RB1: variants seen among roughly 807,000 people sequenced by gnomAD.
RB1 encodes the protein RB transcriptional corepressor 1, also known as retinoblastoma-associated protein.
In RB1, 18 loss-of-function variants were observed where a neutral mutation model predicts 135.4. That is an observed-to-expected ratio of 0.13 (90% CI 0.09 to 0.20). The LOEUF (loss-of-function observed/expected upper bound fraction) is 0.20. Ranked by LOEUF, RB1 falls within the 10% of genes least tolerant of loss-of-function variation. RB1 has a pLI of 1.00. For synonymous variants in RB1, 365 were observed against 373.2 expected, an observed-to-expected ratio of 0.98 and a Z score of 0.25; for missense variants, 868 against 1,110.0, an observed-to-expected ratio of 0.78 and a Z score of 3.10.
rs553814405 is a variant in RB1, at chr13:48,357,500, G to T, written c.608-2517G>T. On this transcript the variant is annotated intron_variant, in intron 6 of 26. Transcript: ENST00000267163. ...ACGAATTATTCAATAATATGTATTT[G>T]GATCACTAAACAAATATATTGAGAA... Among the ~76,000 whole-genome samples, 52 of 151,872 alleles carry T rather than the reference G, an allele frequency of 3.4e-4. 1 individual carries two copies. The highest frequency in any genetic ancestry group is 1.2e-3 in the African/African-American group (48 of 41,426).
intron 2 of RB1, among the ~76,000 whole-genome samples, chr13:48,336,599 G>A (rs1952387629): frequency 6.6e-6 from 1 of 151,882 alleles, no homozygotes; most frequent in Admixed American, 6.6e-5. Context: ...AGTCTTGCTA[G>A]TGGTCTATCA....
Position 48,359,911 on chromosome 13 carries a change from T to C in RB1, c.608-106T>C. 2.1e-5 allele frequency: 31 copies of C among 1,484,548 alleles called. No individual in the cohort carries two copies. In the South Asian group the frequency reaches 3.8e-4, roughly 18 times the overall value. The allele number at this position is 1,484,548 out of a possible 1,614,324, so 92.0% of individuals were successfully genotyped here. A position where few individuals can be genotyped will look rare whatever the true frequency, so the allele number is the denominator to read the frequency against. On this transcript the variant is annotated intron_variant, in intron 6 of 26. Transcript: ENST00000267163. Reference sequence around the variant, plus strand: ...AAGAAAATCTTTACCATGCTGATAGTGATTGTTGAATGAATAAATTTATGG... The same window carrying C: ...AAGAAAATCTTTACCATGCTGATAGCGATTGTTGAATGAATAAATTTATGG...
chr13:48,422,802 A>T (rs200792502), intron 17 of RB1: 1 of 145,784 alleles, frequency 6.9e-6, no homozygotes, highest in South Asian at 2.2e-4. Context: ...TAAAAAAAAA[A>T]CAAAAAGGAA....
chr13:48,428,755 A>C (rs1003750656), intron 17 of RB1, among the ~76,000 whole-genome samples: 2 of 152,216 alleles, frequency 1.3e-5, no homozygotes, highest in Non-Finnish European at 2.9e-5. Flanking sequence ...GCATTTGTAC[A>C]TAGTAATGTG....
chr13:48,440,048 G>A (rs186658960), intron 17 of RB1, among the ~76,000 whole-genome samples: 1 of 152,224 alleles, frequency 6.6e-6, no homozygotes, highest in East Asian at 1.9e-4. Context: ...AGATAGAATA[G>A]TAGGATTACA....
chr13:48,472,715 A>C (rs1420464607), intron 23 of RB1, among the ~76,000 whole-genome samples: 1 of 152,138 alleles, frequency 6.6e-6, no homozygotes, highest in African/African-American at 2.4e-5. Context: ...TGGTTAATCA[A>C]ATATTATATG....
intron 17 of RB1, among the ~76,000 whole-genome samples, chr13:48,391,768 G>A (rs1052138491): frequency 1.1e-4 from 16 of 151,876 alleles, no homozygotes; most frequent in African/African-American, 3.1e-4. Context: ...ACAGGCACAC[G>A]CCACCATGCC....
At chr13:48,363,474 T>C (rs1952662609) in intron 8 of RB1, among the ~76,000 whole-genome samples, 1 of 152,186 alleles carries the variant, frequency 6.6e-6, no homozygotes, top group Admixed American at 6.5e-5. Context: ...AAAGGATTGC[T>C]TGAGCCCAGA....
chr13:48,332,611 C>T (rs2138070375), intron 2 of RB1, among the ~76,000 whole-genome samples: 1 of 152,234 alleles, frequency 6.6e-6, no homozygotes, highest in Middle Eastern at 3.4e-3. Context: ...AGTAGTAGTT[C>T]TGGACACTTA....
At chr13:48,306,944 TTTG>T (rs1297218237) in intron 1 of RB1, among the ~76,000 whole-genome samples, 1 of 152,204 alleles carries the variant, frequency 6.6e-6, no homozygotes, top group African/African-American at 2.4e-5. Context: ...TTTTTATCTT[TTTG>T]TTGTTATCTT....
chr13:48,304,317 C>T (rs1378731099), intron 1 of RB1, among the ~76,000 whole-genome samples: 4 of 152,166 alleles, frequency 2.6e-5, no homozygotes, highest in Non-Finnish European at 5.9e-5. Flanking sequence ...GTGCAGTTCC[C>T]TCTTGTGAGG....
chr13:48,316,277 C>T (rs1041003168), intron 2 of RB1, among the ~76,000 whole-genome samples: 14 of 151,508 alleles, frequency 9.2e-5, no homozygotes, highest in Admixed American at 5.9e-4. Context: ...CGGTGGGGGG[C>T]GGGGGTGTCC....
intron 17 of RB1, among the ~76,000 whole-genome samples, chr13:48,435,407 A>G (rs186056274): frequency 6.6e-6 from 1 of 151,794 alleles, no homozygotes; most frequent in East Asian, 1.9e-4. Context: ...TCATTTTCTG[A>G]TTGGATTGTT....
chr13:48,376,052 A>C (rs1397440908), intron 12 of RB1, among the ~76,000 whole-genome samples: 1 of 151,982 alleles, frequency 6.6e-6, no homozygotes, highest in Non-Finnish European at 1.5e-5. Context: ...TTAATACATC[A>C]TCTTGTGATG....
chr13:48,316,942 C>T, intron 2 of RB1: 5 of 365,114 alleles, frequency 1.4e-5, no homozygotes, highest in East Asian at 6.5e-5. Context: ...AAGGCGTGCC[C>T]GCCCAAGGTG....
At chr13:48,339,612 T>TG (rs961362346) in intron 2 of RB1, among the ~76,000 whole-genome samples, 6 of 152,334 alleles carry the variant, frequency 3.9e-5, no homozygotes, top group African/African-American at 1.2e-4. Context: ...CGTGACCCCC[T>TG]GTGCTTCCCA....
chr13:48,317,831 C>T, intron 2 of RB1: 5 of 369,620 alleles, frequency 1.4e-5, no homozygotes, highest in South Asian at 9.5e-5. Context: ...CGCGTGCACA[C>T]GCCAGGCGGT....
chr13:48,308,015 T>C (rs1952099098), intron 2 of RB1, among the ~76,000 whole-genome samples: 1 of 151,898 alleles, frequency 6.6e-6, no homozygotes, highest in African/African-American at 2.4e-5. Context: ...CCTTCTAATA[T>C]GCAATCAGTG....
At chr13:48,428,986 C>T (rs1252303627) in intron 17 of RB1, among the ~76,000 whole-genome samples, 1 of 152,176 alleles carries the variant, frequency 6.6e-6, no homozygotes, top group African/African-American at 2.4e-5. Flanking sequence ...CTGGAAGCTG[C>T]ATGCTTGTGG....
Sources: gnomAD v4.1 joint callset for allele counts (sites outside exome capture counted in the v4.1 genomes callset) on GRCh38, gnomAD v4.1.1 for gene constraint, MANE v1.5 for transcripts, NCBI Gene and HGNC (gene_info 2026-07-23, HGNC 2026-07-21) for gene names.